GALNT14: variants seen among roughly 807,000 people sequenced by gnomAD.
GALNT14 encodes the protein UDP-GalNAc:polypeptide N-acetylgalactosaminyltransferase 14.
Under a neutral mutation model 77.5 loss-of-function variants are expected in GALNT14, and 60 were observed. The observed-to-expected ratio is 0.77, with a 90% CI of 0.63 to 0.96. The LOEUF (loss-of-function observed/expected upper bound fraction) is 0.96, where lower values mean the gene tolerates loss of function less well. GALNT14 is among the 40% of genes least tolerant of loss of function. The pLI, the probability that GALNT14 is intolerant of heterozygous loss-of-function variation, is 0.00. For synonymous variants in GALNT14, 280 were observed against 281.7 expected, an observed-to-expected ratio of 0.99 and a Z score of 0.06; for missense variants, 710 against 731.0, an observed-to-expected ratio of 0.97 and a Z score of 0.33.
chr2:30,958,535 A>C (rs1667501959), intron 3 of GALNT14, 71 bp from the exon 4 acceptor site: 4 of 1,171,286 alleles, frequency 3.4e-6, no homozygotes, highest in Non-Finnish European at 3.8e-6. Flanking sequence ...CCCGAGTTTT[A>C]AATAGATACC....
At chr2:31,057,912 G>T (rs1486629167) in intron 1 of GALNT14, among the ~76,000 whole-genome samples, 1 of 152,014 alleles carries the variant, frequency 6.6e-6, no homozygotes, top group Non-Finnish European at 1.5e-5. Flanking sequence ...CAGGAGGGAG[G>T]AAAGAAAGAC....
At chr2:31,002,774 T>C (rs1269389811) in intron 1 of GALNT14, among the ~76,000 whole-genome samples, 1 of 152,194 alleles carries the variant, frequency 6.6e-6, no homozygotes, top group African/African-American at 2.4e-5. Flanking sequence ...TGACTGTCAG[T>C]GGCAGACATT....
At chr2:30,977,973 C>T (rs902788843) in intron 2 of GALNT14, among the ~76,000 whole-genome samples, 11 of 152,302 alleles carry the variant, frequency 7.2e-5, no homozygotes, top group Middle Eastern at 3.4e-3. Context: ...TCTCCACAGC[C>T]GTTCTCTCTT....
At chr2:31,130,791 C>T (rs1346349729) in intron 1 of GALNT14, among the ~76,000 whole-genome samples, 7 of 92,862 alleles carry the variant, frequency 7.5e-5, no homozygotes, top group African/African-American at 2.2e-4. Context: ...TGTGCGCGCG[C>T]ACCTGTGTGT....
chr2:31,086,493 C>T (rs900777849), intron 1 of GALNT14, among the ~76,000 whole-genome samples: 3 of 151,708 alleles, frequency 2.0e-5, no homozygotes, highest in Non-Finnish European at 2.9e-5. Flanking sequence ...CTCTGGATCT[C>T]GGTTTTCACA....
chr2:30,956,713 A>T (rs1573033536), intron 4 of GALNT14, among the ~76,000 whole-genome samples: 1 of 152,086 alleles, frequency 6.6e-6, no homozygotes, highest in South Asian at 2.1e-4. Context: ...CACCATGTTA[A>T]CCAGGCTGGT....
At chr2:30,988,109 G>A (rs770835600) in intron 2 of GALNT14, among the ~76,000 whole-genome samples, 7 of 152,202 alleles carry the variant, frequency 4.6e-5, no homozygotes, top group South Asian at 2.1e-4. Flanking sequence ...CTTGCTACAC[G>A]TAAAGCAGGT....
intron 1 of GALNT14, among the ~76,000 whole-genome samples, chr2:31,101,076 T>C (rs2148613356): frequency 6.6e-6 from 1 of 152,170 alleles, no homozygotes; most frequent in South Asian, 2.1e-4. Flanking sequence ...GCATCATGAG[T>C]CAGGGACCAC....
intron 2 of GALNT14, among the ~76,000 whole-genome samples, chr2:30,973,675 C>T (rs1668484788): frequency 6.6e-6 from 1 of 152,196 alleles, no homozygotes. Context: ...CTTTTAATCT[C>T]ATTTCATGGG....
chr2:30,896,804 C>T, the GALNT14 span, among the ~76,000 whole-genome samples: 5 of 152,172 alleles, frequency 3.3e-5, no homozygotes, highest in South Asian at 1.0e-3. Flanking sequence ...CTTTCCCCCT[C>T]CCTCTTCTCC....
At chr2:30,996,038 C>T (rs1670009550) in intron 1 of GALNT14, among the ~76,000 whole-genome samples, 1 of 152,106 alleles carries the variant, frequency 6.6e-6, no homozygotes, top group African/African-American at 2.4e-5. Context: ...TTCAGACCTT[C>T]AGTGAATTAG....
rs188442206 is a variant in GALNT14, at chr2:31,010,910, G to C, written c.130-17903C>G. Among the ~76,000 whole-genome samples, 8 of 152,354 alleles carry C rather than the reference G, an allele frequency of 5.3e-5. No individual in the cohort carries two copies. In the East Asian group the frequency reaches 1.5e-3, roughly 29 times the overall value. On this transcript the variant is annotated intron_variant, in intron 1 of 14. Coordinates refer to ENST00000349752, the MANE Select transcript of GALNT14 (RefSeq NM_024572.4). ...AAGGAAGTGGCAAGATGGGAAACCA[G>C]AACCATTTTGCCTACAAAAAACTTT...
At chr2:31,037,842 T>C (rs923406541) in intron 1 of GALNT14, among the ~76,000 whole-genome samples, 5 of 151,828 alleles carry the variant, frequency 3.3e-5, no homozygotes, top group African/African-American at 9.7e-5. Flanking sequence ...ACACTAGCTG[T>C]TTATAACTCT....
chr2:30,958,124 C>T (rs1165184986), intron 4 of GALNT14, among the ~76,000 whole-genome samples: 1 of 152,154 alleles, frequency 6.6e-6, no homozygotes, highest in African/African-American at 2.4e-5. Context: ...GGGGAGGTCC[C>T]AAAGACAGGG....
intron 1 of GALNT14, among the ~76,000 whole-genome samples, chr2:31,104,528 T>C (rs1295190587): frequency 1.3e-5 from 2 of 152,190 alleles, no homozygotes; most frequent in Non-Finnish European, 1.5e-5. Context: ...ATTTCTGAAA[T>C]ATCCCAACAA....
intron 13 of GALNT14, among the ~76,000 whole-genome samples, chr2:30,913,612 A>C (rs1317453856): frequency 6.6e-6 from 1 of 152,128 alleles, no homozygotes; most frequent in Non-Finnish European, 1.5e-5. Context: ...TGCTGTCCTG[A>C]ATACGTCCAC....
chr2:31,100,128 G>A (rs1677191852), intron 1 of GALNT14, among the ~76,000 whole-genome samples: 1 of 151,870 alleles, frequency 6.6e-6, no homozygotes, highest in African/African-American at 2.4e-5. Flanking sequence ...GTTATTGTAA[G>A]TGATGGCTCT....
At chr2:31,123,973 C>T (rs1458963755) in intron 1 of GALNT14, among the ~76,000 whole-genome samples, 4 of 152,118 alleles carry the variant, frequency 2.6e-5, no homozygotes, top group African/African-American at 4.8e-5. Flanking sequence ...ACACAGTGTT[C>T]GGGAATCAGA....
intron 8 of GALNT14, among the ~76,000 whole-genome samples, chr2:30,944,453 T>G (rs1444202541): frequency 6.6e-6 from 1 of 152,204 alleles, no homozygotes; most frequent in Admixed American, 6.5e-5. Flanking sequence ...TGGCCTCCAC[T>G]TACAGCAGTG....
Sources: allele counts gnomAD v4.1 joint callset (sites outside exome capture counted in the v4.1 genomes callset), GRCh38; gene constraint gnomAD v4.1.1; transcripts MANE v1.5; gene names NCBI Gene and HGNC (gene_info 2026-07-23, HGNC 2026-07-21).